MARCHF8: variants seen among roughly 807,000 people sequenced by gnomAD.
The protein encoded by MARCHF8 is E3 ubiquitin-protein ligase MARCHF8.
In MARCHF8, 40 loss-of-function variants were observed where a neutral mutation model predicts 51.6. The ratio of observed to expected loss-of-function variants is 0.77; its 90% confidence interval spans 0.60 to 1.01. MARCHF8 has a LOEUF of 1.01. MARCHF8 is among the 50% of genes least tolerant of loss of function. The pLI is 0.00. For synonymous variants in MARCHF8, 263 were observed against 280.3 expected, an observed-to-expected ratio of 0.94 and a Z score of 0.62; for missense variants, 685 against 708.6, an observed-to-expected ratio of 0.97 and a Z score of 0.38.
intron 2 of MARCHF8, among the ~76,000 whole-genome samples, chr10:45,512,215 G>T (rs1396414254): frequency 1.3e-5 from 2 of 149,752 alleles, no homozygotes; most frequent in Non-Finnish European, 3.0e-5. Flanking sequence ...CAACCGCCCC[G>T]TCTGAGAAGT....
At chr10:45,587,433 A>G (rs1037388616) in intron 1 of MARCHF8, among the ~76,000 whole-genome samples, 2 of 152,198 alleles carry the variant, frequency 1.3e-5, no homozygotes, top group Admixed American at 6.5e-5. Flanking sequence ...AAATTAAAGA[A>G]CTAAATAAAT....
intron 1 of MARCHF8, among the ~76,000 whole-genome samples, chr10:45,583,483 G>C (rs1441618286): frequency 6.6e-6 from 1 of 152,046 alleles, no homozygotes; most frequent in African/African-American, 2.4e-5. Context: ...ACAGGGGAAG[G>C]GCTGAATAAT....
intron 1 of MARCHF8, among the ~76,000 whole-genome samples, chr10:45,593,846 C>T (rs574228274): frequency 1.3e-5 from 2 of 152,304 alleles, no homozygotes; most frequent in South Asian, 2.1e-4. Context: ...TCCACACATG[C>T]AAAGAATTCA....
chr10:45,530,706 G>C (rs1471860648), intron 2 of MARCHF8, among the ~76,000 whole-genome samples: 1 of 152,150 alleles, frequency 6.6e-6, no homozygotes, highest in East Asian at 1.9e-4. Flanking sequence ...CCAGGAGTTC[G>C]TGGCTGCGGT....
At chr10:45,514,794 A>AT (rs1020853232) in intron 2 of MARCHF8, among the ~76,000 whole-genome samples, 2 of 152,142 alleles carry the variant, frequency 1.3e-5, no homozygotes, top group East Asian at 1.9e-4. Flanking sequence ...TACTTGAAAT[A>AT]TTTTTTTTAA....
At chr10:45,536,938 T>C (rs561825552), upstream of MARCHF8, among the ~76,000 whole-genome samples, 3 of 151,358 alleles carry the variant, frequency 2.0e-5, no homozygotes, top group East Asian at 3.9e-4. Context: ...ATCATGGAAA[T>C]ACAAATCAAA....
chr10:45,458,405 T>C lies in MARCHF8; in HGVS notation c.1556A>G (p.Tyr519Cys), dbSNP rs368417263. 8.7e-6 allele frequency: 14 copies of C among 1,614,088 alleles called. No homozygotes were observed. Among genetic ancestry groups the C allele is most frequent in the African/African-American group, 4.0e-5 (3 of 74,938 alleles). The change falls in exon 8 of 8, where the codon TAT (tyrosine) becomes TGT (cysteine). Residue 519 changes from tyrosine to cysteine, a missense_variant. Physicochemically the swap from Tyr to Cys is radical, Grantham distance 194 (BLOSUM62 -2). Coordinates refer to ENST00000453424, the MANE Select transcript of MARCHF8 (RefSeq NM_001282866.2). The stretch of plus-strand genomic sequence containing the variant: ...GCTTGTTTCTGGACAGTTTTGAACA[T>C]AGATCACTCTATTATAGGCCTTGAG... ...KRLKAYNRVI[Y>C]VQNCPETSKK... is the part of the protein sequence containing the mutation.
chr10:45,459,243 T>G lies in MARCHF8; in HGVS notation c.1294A>C (p.Ser432Arg). Reference protein sequence around the residue: ...RKWEKLQMTSSERRKIMCSVT... With the variant: ...RKWEKLQMTSRERRKIMCSVT... ...GAGCACATGATCTTCCTGCGCTCGC[T>G]GGACGTCATCTGCAACTTCTCCCAC... The change falls in exon 7 of 8, where the codon AGC (serine) becomes CGC (arginine). Residue 432 changes from serine (S) to arginine (R), a missense_variant. Ser to Arg is a moderately radical substitution (Grantham distance 110, BLOSUM62 -1). Coordinates refer to ENST00000453424, the MANE Select transcript of MARCHF8 (RefSeq NM_001282866.2). 6.2e-7 allele frequency: 1 copy of G among 1,613,986 alleles called. No homozygotes were observed. The highest frequency in any genetic ancestry group is 1.3e-5 in the African/African-American group (1 of 75,046).
rs548705510 is a variant in MARCHF8, at chr10:45,489,297, T to C, written c.153+70A>G. 139 of 1,131,608 alleles carry C rather than the reference T, an allele frequency of 1.2e-4. 1 individual carries two copies. The African/African-American group carries it at 1.7e-3, about 13-fold the overall frequency. The allele number at this position is 1,131,608 out of a possible 1,614,324, so 70.1% of individuals were successfully genotyped here. A position where few individuals can be genotyped will look rare whatever the true frequency, so the allele number is the denominator to read the frequency against. ...CTTTTCAAAAAAAAAAAAAAGAGTA[T>C]AAACACATGTAAGGCATAAGAACAG... On this transcript the variant is annotated intron_variant, in intron 3 of 7. Transcript: ENST00000453424.
upstream of MARCHF8, among the ~76,000 whole-genome samples, chr10:45,536,703 A>G (rs551042811): frequency 1.3e-5 from 2 of 151,988 alleles, no homozygotes; most frequent in African/African-American, 2.4e-5. Context: ...ACTCAGTAAC[A>G]TAAGGGCAAG....
chr10:45,582,682 T>C (rs1337819309), intron 1 of MARCHF8, among the ~76,000 whole-genome samples: 1 of 152,222 alleles, frequency 6.6e-6, no homozygotes, highest in Admixed American at 6.5e-5. Context: ...CCCTCAGAAC[T>C]GTATCAAGTT....
chr10:45,543,811 A>G (rs1052080449), intron 1 of MARCHF8, among the ~76,000 whole-genome samples: 10 of 151,482 alleles, frequency 6.6e-5, no homozygotes, highest in African/African-American at 2.4e-4. Context: ...AAAAAAAAAA[A>G]AAAAAAAAAG....
rs1170274543 is a variant in MARCHF8 at position 45,464,412 on chromosome 10, C to A, written c.154-85G>T. On this transcript the variant is annotated intron_variant, in intron 3 of 7. Coordinates refer to ENST00000453424, the MANE Select transcript of MARCHF8 (RefSeq NM_001282866.2). ...TCTCCTGAATGGTGACAGGGAGAAA[C>A]CCTAGAAATGTCTGCTGCTTCCCGC... 3 of 1,130,072 alleles carry A rather than the reference C, an allele frequency of 2.7e-6. No homozygotes were observed. The East Asian group carries it at 7.1e-5, about 27-fold the overall frequency. 70.0% of individuals were successfully genotyped at this position (1,130,072 alleles called of 1,614,324 possible). A position where few individuals can be genotyped will look rare whatever the true frequency, so the allele number is the denominator to read the frequency against.
chr10:45,478,798 T>A (rs2042832838), intron 3 of MARCHF8, among the ~76,000 whole-genome samples: 1 of 152,084 alleles, frequency 6.6e-6, no homozygotes. Flanking sequence ...TAACCTACCA[T>A]GATTGATCAG....
chr10:45,564,978 G>A (rs1245950549), intron 1 of MARCHF8, among the ~76,000 whole-genome samples: 8 of 88,782 alleles, frequency 9.0e-5, no homozygotes, highest in South Asian at 3.5e-4. Context: ...TAAAAACTAG[G>A]ATCCACTAAA....
chr10:45,473,124 T>C (rs1028116637), intron 3 of MARCHF8, among the ~76,000 whole-genome samples: 3 of 152,206 alleles, frequency 2.0e-5, no homozygotes, highest in Non-Finnish European at 4.4e-5. Flanking sequence ...GAATTCCTTG[T>C]AAGGAATGTC....
At chr10:45,474,176 G>A (rs1418513225) in intron 3 of MARCHF8, among the ~76,000 whole-genome samples, 1 of 152,112 alleles carries the variant, frequency 6.6e-6, no homozygotes, top group South Asian at 2.1e-4. Flanking sequence ...TGCAATCCTC[G>A]TAAACTCTGC....
At chr10:45,551,840 T>TACACACACACACAC (rs139172803) in intron 1 of MARCHF8, among the ~76,000 whole-genome samples, 15 of 148,460 alleles carry the variant, frequency 1.0e-4, no homozygotes, top group Admixed American at 1.4e-4. Context: ...GGTATATCTG[T>TACACACACACACAC]ACACACACAC....
At chr10:45,523,201 T>C (rs1283999026) in intron 2 of MARCHF8, among the ~76,000 whole-genome samples, 2 of 152,170 alleles carry the variant, frequency 1.3e-5, no homozygotes, top group African/African-American at 2.4e-5. Flanking sequence ...ACTAGGACTG[T>C]AGTATTATTT....
Sources: gnomAD v4.1 joint callset for allele counts (sites outside exome capture counted in the v4.1 genomes callset) on GRCh38, gnomAD v4.1.1 for gene constraint, MANE v1.5 for transcripts, NCBI Gene and HGNC (gene_info 2026-07-23, HGNC 2026-07-21) for gene names.